The following CTNNA2 variants were observed in gnomAD, a reference collection of about 807,000 sequenced individuals.
CTNNA2 encodes catenin alpha-2.
CTNNA2 carries 42 observed loss-of-function variants against 101.0 expected under a neutral mutation model. The ratio of observed to expected loss-of-function variants is 0.42; its 90% confidence interval spans 0.32 to 0.54. The LOEUF (loss-of-function observed/expected upper bound fraction) is 0.54, where lower values mean the gene tolerates loss of function less well. Among genes scored for constraint, CTNNA2 ranks in the 20% least tolerant of loss-of-function variants. CTNNA2 has a pLI of 0.14. For synonymous variants in CTNNA2, 450 were observed against 456.4 expected, an observed-to-expected ratio of 0.99 and a Z score of 0.18; for missense variants, 871 against 1,223.1, an observed-to-expected ratio of 0.71 and a Z score of 4.29.
At chr2:79,880,377 G>A (rs1457905707) in intron 6 of CTNNA2, among the ~76,000 whole-genome samples, 1 of 152,136 alleles carries the variant, frequency 6.6e-6, no homozygotes, top group Non-Finnish European at 1.5e-5. Context: ...GTTTGGAATA[G>A]TTACAAAAGG....
At chr2:80,572,825 C>T (rs2149699941) in intron 12 of CTNNA2, 1 of 152,238 alleles carries the variant, frequency 6.6e-6, no homozygotes, top group South Asian at 2.1e-4. Flanking sequence ...AGTAATTCAT[C>T]CATAGAAGGA....
At chr2:79,438,056 G>A (rs1678736341) in intron 4 of CTNNA2, among the ~76,000 whole-genome samples, 1 of 152,178 alleles carries the variant, frequency 6.6e-6, no homozygotes, top group African/African-American at 2.4e-5. Context: ...GTCAAAGGCA[G>A]CAGCAAACCT....
At chr2:79,346,209 C>T (rs544445217) in intron 3 of CTNNA2, among the ~76,000 whole-genome samples, 16 of 152,222 alleles carry the variant, frequency 1.1e-4, no homozygotes, top group Admixed American at 4.6e-4. Context: ...TGGCCTGCTC[C>T]GCTAAGCATT....
intron 4 of CTNNA2, among the ~76,000 whole-genome samples, chr2:79,437,827 G>A (rs1678733790): frequency 1.3e-5 from 2 of 152,088 alleles, no homozygotes; most frequent in South Asian, 2.1e-4. Context: ...TGAATCTAAC[G>A]CGCTGCTCTT....
intron 10 of CTNNA2, among the ~76,000 whole-genome samples, chr2:80,545,350 C>T (rs1464490124): frequency 1.3e-5 from 2 of 152,056 alleles, no homozygotes; most frequent in Admixed American, 1.3e-4. Context: ...GGTTCAAGGC[C>T]AGCCTGGGCA....
rs181401620 is a variant in CTNNA2 at position 79,639,351 on chromosome 2, T to G, written c.-5-12201T>G. Among the ~76,000 whole-genome samples, 377 of 152,328 alleles carry G rather than the reference T, an allele frequency of 2.5e-3. 1 individual carries two copies. Among genetic ancestry groups the G allele is most frequent in the Non-Finnish European group, 4.4e-3 (296 of 68,034 alleles). The stretch of plus-strand genomic sequence containing the variant: ...TAGTATATAGGCATTGAATGAATGA[T>G]GGATGGATAACTGAATGAAGGAAGA... On this transcript the variant is annotated intron_variant, in intron 1 of 18. Transcript: ENST00000402739.
At chr2:80,567,120 G>T (rs1694131675) in intron 12 of CTNNA2, among the ~76,000 whole-genome samples, 1 of 152,140 alleles carries the variant, frequency 6.6e-6, no homozygotes, top group Non-Finnish European at 1.5e-5. Flanking sequence ...TGCCTAGTAG[G>T]TAATGCTCCC....
chr2:80,431,900 T>G (rs542499115), intron 9 of CTNNA2, among the ~76,000 whole-genome samples: 25 of 149,784 alleles, frequency 1.7e-4, no homozygotes, highest in Non-Finnish European at 2.7e-4. Flanking sequence ...AACTTTTTGG[T>G]TTTTTTTTTC....
intron 2 of CTNNA2, among the ~76,000 whole-genome samples, chr2:79,251,308 C>G (rs1009675798): frequency 3.3e-4 from 51 of 152,296 alleles, no homozygotes; most frequent in African/African-American, 1.1e-3. Flanking sequence ...TGCAGGGTCT[C>G]CCTACTTGCC....
At chr2:80,456,337 T>C (rs534887172) in intron 9 of CTNNA2, among the ~76,000 whole-genome samples, 2 of 152,226 alleles carry the variant, frequency 1.3e-5, no homozygotes, top group Non-Finnish European at 2.9e-5. Context: ...GATGATCTGG[T>C]ATTGCTGTGG....
chr2:80,534,278 G>T (rs947039269), intron 9 of CTNNA2, among the ~76,000 whole-genome samples: 4 of 152,004 alleles, frequency 2.6e-5, no homozygotes, highest in African/African-American at 9.7e-5. Flanking sequence ...AAATTTCTTC[G>T]TTGTACCATG....
At chr2:79,716,529 G>C (rs1056781670) in intron 2 of CTNNA2, among the ~76,000 whole-genome samples, 2 of 152,118 alleles carry the variant, frequency 1.3e-5, no homozygotes, top group African/African-American at 4.8e-5. Context: ...TCATCGTTCA[G>C]CTCCCACTGA....
intron 7 of CTNNA2, among the ~76,000 whole-genome samples, chr2:80,238,853 A>T (rs1375080867): frequency 1.3e-5 from 2 of 152,212 alleles, no homozygotes; most frequent in Non-Finnish European, 1.5e-5. Flanking sequence ...CGCCACAGGG[A>T]TAAATCAGAT....
chr2:79,967,117 C>CGT (rs56007530), intron 7 of CTNNA2, among the ~76,000 whole-genome samples: 96,405 of 149,536 alleles, frequency 0.64, 32,479 homozygotes, highest in South Asian at 0.75. Flanking sequence ...CGCGCACGCA[C>CGT]GTGTGTGTGT....
chr2:80,606,399 CA>C (rs1319516850), intron 16 of CTNNA2, among the ~76,000 whole-genome samples: 1 of 120,426 alleles, frequency 8.3e-6, no homozygotes, highest in Admixed American at 9.0e-5. Flanking sequence ...CACACACACA[CA>C]CACACACACA....
chr2:79,251,224 C>T (rs949930709), intron 2 of CTNNA2, among the ~76,000 whole-genome samples: 3 of 152,226 alleles, frequency 2.0e-5, no homozygotes, highest in Non-Finnish European at 2.9e-5. Context: ...CCTGCGCTTC[C>T]GAAGCAGGCT....
intron 7 of CTNNA2, among the ~76,000 whole-genome samples, chr2:80,038,302 G>GT (rs1178621389): frequency 6.6e-6 from 1 of 151,682 alleles, no homozygotes; most frequent in Non-Finnish European, 1.5e-5. Flanking sequence ...ATGGGGAGAA[G>GT]TTTTTATAAT....
intron 2 of CTNNA2, among the ~76,000 whole-genome samples, chr2:79,269,590 G>T (rs902456267): frequency 6.6e-6 from 1 of 152,124 alleles, no homozygotes; most frequent in Admixed American, 6.5e-5. Flanking sequence ...AATCATTGCA[G>T]TTTATCCAGA....
intron 8 of CTNNA2, among the ~76,000 whole-genome samples, chr2:80,414,315 A>G (rs1476021909): frequency 6.6e-6 from 1 of 152,200 alleles, no homozygotes; most frequent in Non-Finnish European, 1.5e-5. Context: ...TTCCTGTCCT[A>G]GTTCATAGCT....
Sources: allele counts gnomAD v4.1 joint callset (sites outside exome capture counted in the v4.1 genomes callset), GRCh38; gene constraint gnomAD v4.1.1; transcripts MANE v1.5; gene names NCBI Gene and HGNC (gene_info 2026-07-23, HGNC 2026-07-21).